Variants in SCFD2 observed in about 807,000 individuals in gnomAD.
The protein encoded by SCFD2 is sec1 family domain containing 2.
Under a neutral mutation model 58.9 loss-of-function variants are expected in SCFD2, and 54 were observed. The ratio of observed to expected loss-of-function variants is 0.92; its 90% CI spans 0.74 to 1.15. The LOEUF (loss-of-function observed/expected upper bound fraction) is 1.15, where lower values mean the gene tolerates loss of function less well. SCFD2 is among the 50% of genes most tolerant of loss of function. SCFD2 has a pLI of 0.00. For missense variants in SCFD2, 805 were observed against 836.6 expected, an observed-to-expected ratio of 0.96 and a Z score of 0.47; for synonymous variants, 321 against 335.9, an observed-to-expected ratio of 0.96 and a Z score of 0.49.
intron 5 of SCFD2, among the ~76,000 whole-genome samples, chr4:53,097,936 A>G (rs1724708240): frequency 6.6e-6 from 1 of 152,186 alleles, no homozygotes; most frequent in Non-Finnish European, 1.5e-5. Flanking sequence ...GGGCTGTTGA[A>G]TTTTGTCAAA....
intron 2 of SCFD2, among the ~76,000 whole-genome samples, chr4:53,345,662 G>A (rs1734034865): frequency 6.6e-6 from 1 of 151,824 alleles, no homozygotes; most frequent in Admixed American, 6.6e-5. Flanking sequence ...GTTTATTGTG[G>A]CACTATTTAC....
intron 4 of SCFD2, among the ~76,000 whole-genome samples, chr4:53,157,891 T>C (rs961016590): frequency 6.6e-6 from 1 of 152,212 alleles, no homozygotes; most frequent in Non-Finnish European, 1.5e-5. Flanking sequence ...AGAAACAAGA[T>C]AGAAGGAAGA....
intron 3 of SCFD2, among the ~76,000 whole-genome samples, chr4:53,293,294 G>A (rs1577937969): frequency 6.6e-6 from 1 of 151,924 alleles, no homozygotes; most frequent in East Asian, 1.9e-4. Context: ...CACACACTGG[G>A]GCCAGTTGTG....
At chr4:53,203,238 G>C (rs1024979928) in intron 4 of SCFD2, among the ~76,000 whole-genome samples, 37 of 152,104 alleles carry the variant, frequency 2.4e-4, no homozygotes, top group South Asian at 8.3e-4. Context: ...TAGCCTGAAG[G>C]GTTGTTGAAT....
chr4:52,892,090 C>T (rs755432269), intron 7 of SCFD2, among the ~76,000 whole-genome samples: 6 of 152,254 alleles, frequency 3.9e-5, no homozygotes, highest in Non-Finnish European at 8.8e-5. Context: ...TCTCAGGCTC[C>T]TAAATTCAAC....
chr4:53,297,214 ATCTG>A (rs1732068915), intron 3 of SCFD2, among the ~76,000 whole-genome samples: 1 of 152,116 alleles, frequency 6.6e-6, no homozygotes, highest in Non-Finnish European at 1.5e-5. Context: ...TGTTTCATTG[ATCTG>A]TCTAATATTG....
intron 4 of SCFD2, among the ~76,000 whole-genome samples, chr4:53,256,789 G>C (rs1730652212): frequency 6.6e-6 from 1 of 151,434 alleles, no homozygotes; most frequent in Admixed American, 6.6e-5. Context: ...CAGGCAGGGG[G>C]GTTGCAGTGA....
chr4:53,206,038 C>A, intron 4 of SCFD2, among the ~76,000 whole-genome samples: 1 of 152,188 alleles, frequency 6.6e-6, no homozygotes, highest in East Asian at 1.9e-4. Context: ...TACACTAGTC[C>A]CCCAAAGTGC....
chr4:52,892,247 G>T (rs1054108115), intron 7 of SCFD2, among the ~76,000 whole-genome samples: 2 of 152,076 alleles, frequency 1.3e-5, no homozygotes, highest in Non-Finnish European at 1.5e-5. Context: ...ATCCCCGTCC[G>T]GTGGAATCCA....
chr4:53,207,691 G>A (rs1271872442), intron 4 of SCFD2, among the ~76,000 whole-genome samples: 1 of 50,776 alleles, frequency 2.0e-5, no homozygotes, highest in African/African-American at 6.9e-5. Flanking sequence ...TTGAATCATG[G>A]GGGCAGATTT....
At chr4:53,227,501 C>A (rs996743109) in intron 4 of SCFD2, among the ~76,000 whole-genome samples, 2 of 152,130 alleles carry the variant, frequency 1.3e-5, no homozygotes, top group East Asian at 3.8e-4. Context: ...GGTATAAAAA[C>A]GGCTAAGATT....
chr4:53,219,350 C>T (rs1728974135), intron 4 of SCFD2, among the ~76,000 whole-genome samples: 1 of 152,216 alleles, frequency 6.6e-6, no homozygotes, highest in African/African-American at 2.4e-5. Context: ...GCGCCCCTCC[C>T]CCAGCCTCGC....
intron 4 of SCFD2, among the ~76,000 whole-genome samples, chr4:53,182,451 T>C (rs1387105847): frequency 2.0e-5 from 3 of 152,332 alleles, no homozygotes; most frequent in South Asian, 2.1e-4. Context: ...GCTAGCCATA[T>C]GCAGAACGCT....
At chr4:53,335,226 AAAC>A (rs1486723664) in intron 2 of SCFD2, among the ~76,000 whole-genome samples, 26 of 151,622 alleles carry the variant, frequency 1.7e-4, no homozygotes, top group South Asian at 4.2e-4. Flanking sequence ...ACAAAAAAAA[AAAC>A]AACAACAACA....
chr4:53,026,266 G>T (rs1175109642), intron 5 of SCFD2, among the ~76,000 whole-genome samples: 1 of 152,164 alleles, frequency 6.6e-6, no homozygotes, highest in Non-Finnish European at 1.5e-5. Context: ...TCCAGTCCAA[G>T]TCCTGCATTT....
At chr4:53,287,474 C>T (rs1457933734) in intron 3 of SCFD2, among the ~76,000 whole-genome samples, 4 of 152,354 alleles carry the variant, frequency 2.6e-5, no homozygotes, top group African/African-American at 9.6e-5. Flanking sequence ...CACCTATAAT[C>T]ATCACTGACA....
At chr4:53,071,025 A>G (rs1269011543) in intron 5 of SCFD2, among the ~76,000 whole-genome samples, 1 of 152,128 alleles carries the variant, frequency 6.6e-6, no homozygotes, top group Non-Finnish European at 1.5e-5. Flanking sequence ...TAAGTGTCAT[A>G]TTCAACTTCT....
rs1210791158 is a variant in SCFD2, at chr4:53,365,698, T to A, written c.244A>T (p.Lys82Ter). 1 of 1,614,220 alleles carries A rather than the reference T, an allele frequency of 6.2e-7. No homozygotes were observed. Reference sequence around the variant, plus strand: ...CGTAGGATCTCCACGGTCCGGCCTTTCAGCAGGCAGCTCAGCACAAACACT... The same window carrying A: ...CGTAGGATCTCCACGGTCCGGCCTTACAGCAGGCAGCTCAGCACAAACACT... Reference protein sequence around the residue: ...KAVFVLSCLLKGRTVEILRDI... With the variant: ...KAVFVLSCLL Residue 82 changes from lysine (K) to a stop codon, truncating the protein, a stop_gained, in exon 1 of 9, where the codon AAA (lysine) becomes TAA (stop). Transcript: ENST00000401642. LOFTEE classifies it high-confidence loss of function. The surrounding 1 kb of genome is among the most constrained non-coding windows in gnomAD (Gnocchi z 4.3).
At chr4:53,188,418 G>GGTGTGTGTGT (rs56120914) in intron 4 of SCFD2, among the ~76,000 whole-genome samples, 138 of 143,560 alleles carry the variant, frequency 9.6e-4, no homozygotes, top group African/African-American at 1.6e-3. Flanking sequence ...CTTCAAAACT[G>GGTGTGTGTGT]GTGTGTGTGT....
Sources: gnomAD v4.1 joint callset for allele counts (sites outside exome capture counted in the v4.1 genomes callset) on GRCh38, gnomAD v4.1.1 for gene constraint, Gnocchi (gnomAD v3.1) non-coding constraint, MANE v1.5 for transcripts, NCBI Gene and HGNC (gene_info 2026-07-23, HGNC 2026-07-21) for gene names.